Variants in GRAMD4 observed in about 807,000 individuals in gnomAD.
GRAMD4 encodes the protein GRAM domain-containing protein 4.
GRAMD4 carries 25 observed loss-of-function variants against 83.9 expected under a neutral mutation model. That is an observed-to-expected ratio of 0.30 (90% CI 0.22 to 0.42). The LOEUF (loss-of-function observed/expected upper bound fraction) is 0.42, where lower values mean the gene tolerates loss of function less well. Ranked by LOEUF, GRAMD4 falls within the 10% of genes least tolerant of loss-of-function variation. The pLI, the probability that GRAMD4 is intolerant of heterozygous loss-of-function variation, is 1.00. For synonymous variants in GRAMD4, 336 were observed against 320.9 expected (o/e 1.05, Z -0.50); for missense variants, 593 against 788.7 (o/e 0.75, Z 2.97).
rs1028807057 is a variant in GRAMD4, at chr22:46,577,488, G to T, written c.-50+198G>T. ...CCCCGCACACGCCCCCGGGTCCCGC[G>T]CGTCACGGCTGCTCCCCGCGGGCAC... On this transcript the variant is annotated intron_variant, in intron 1 of 1. Transcript: ENST00000431155. Among the ~76,000 whole-genome samples the T allele has an allele frequency of 1.7e-4, 26 of 150,552 alleles. 1 individual carries two copies. The highest frequency in any genetic ancestry group is 6.3e-4 in the African/African-American group (26 of 41,242).
intron 3 of GRAMD4, among the ~76,000 whole-genome samples, chr22:46,653,276 C>T (rs922897289): frequency 2.0e-5 from 3 of 152,174 alleles, no homozygotes; most frequent in Admixed American, 1.3e-4. Flanking sequence ...CTCTGAGCAG[C>T]GAGCATGGCG....
chr22:46,637,781 T>A (rs1168125950), intron 2 of GRAMD4, 59 bp from the exon 3 acceptor site: 1 of 1,591,832 alleles, frequency 6.3e-7, no homozygotes, highest in African/African-American at 1.4e-5. Flanking sequence ...GGGAACTGAG[T>A]GGTGCAGACC....
At chr22:46,673,567 A>G (rs2082546488) in intron 14 of GRAMD4, 103 bp from the exon 15 acceptor site, 8 of 1,436,480 alleles carry the variant, frequency 5.6e-6, no homozygotes, top group Non-Finnish European at 7.6e-6. Context: ...CGTCTTCCCA[A>G]ATTTGGATCC....
intron 1 of GRAMD4, among the ~76,000 whole-genome samples, chr22:46,605,159 C>G (rs963590695): frequency 7.4e-6 from 1 of 135,214 alleles, no homozygotes; most frequent in Non-Finnish European, 1.6e-5. Flanking sequence ...TCACCCAGGT[C>G]TTGGTGCCAT....
intron 3 of GRAMD4, among the ~76,000 whole-genome samples, chr22:46,656,177 C>T (rs1433140124): frequency 1.3e-5 from 2 of 152,166 alleles, no homozygotes; most frequent in East Asian, 1.9e-4. Context: ...CCCAGCGGGC[C>T]GGGGAGCAGG....
chr22:46,680,759 C>T (rs1194636481), downstream of GRAMD4, among the ~76,000 whole-genome samples: 2 of 139,886 alleles, frequency 1.4e-5, no homozygotes, highest in Non-Finnish European at 3.1e-5. Context: ...TCCATCCACC[C>T]ACCCATCCAT....
At position 46,663,853 on chromosome 22, in the gene GRAMD4, G is replaced by A; in HGVS notation, c.615G>A (p.Met205Ile). Residue 205 changes from methionine to isoleucine, a missense_variant, in exon 7 of 19, where the codon ATG becomes ATA. Physicochemically the swap from Met to Ile is conservative, Grantham distance 10. Around this residue, in one of 4 missense-constraint regions of GRAMD4, gnomAD observed 312 missense variants for 350.7 expected, o/e 0.89. Transcript: ENST00000406902. ...TCTCTCTTAGGTTAACTGAAAATATGAGACGGCTCAGTGAGTACCAGCGGC... is the reference window on the plus strand; with the variant it reads ...TCTCTCTTAGGTTAACTGAAAATATAAGACGGCTCAGTGAGTACCAGCGGC... ...PLSARRLTEN[M>I]RRLKRGAKPV... 4 of 1,613,416 alleles carry A rather than the reference G, an allele frequency of 2.5e-6. No individual in the cohort carries two copies. Among genetic ancestry groups the A allele is most frequent in the Non-Finnish European group, 3.4e-6 (4 of 1,179,946 alleles).
At chr22:46,616,409 TGC>T (rs2081495156), upstream of GRAMD4, among the ~76,000 whole-genome samples, 1 of 106,780 alleles carries the variant, frequency 9.4e-6, no homozygotes, top group African/African-American at 3.8e-5. Flanking sequence ...GGTTCCCCTG[TGC>T]GTGTAGGTTC....
intron 11 of GRAMD4, 21 bp from the exon 12 acceptor site, chr22:46,668,668 T>A (rs746371136): frequency 6.2e-7 from 1 of 1,610,818 alleles, no homozygotes; most frequent in South Asian, 1.1e-5. Flanking sequence ...CTGTTGTAAT[T>A]GCTGTTTCTC....
chr22:46,640,000 T>C (rs146926835), intron 3 of GRAMD4, among the ~76,000 whole-genome samples: 1 of 152,192 alleles, frequency 6.6e-6, no homozygotes, highest in Non-Finnish European at 1.5e-5. Context: ...GATGGATCTC[T>C]GAGAATGGAG....
chr22:46,659,895 A>G lies in GRAMD4; in HGVS notation c.405-1486A>G, dbSNP rs1400235443. On this transcript the variant is annotated intron_variant, in intron 4 of 18. Transcript: ENST00000406902. The surrounding 1 kb of genome is among the most constrained non-coding windows in gnomAD (Gnocchi z 4.1). ...GAAGCTCAAAGCTTAAATTACATTT[A>G]ATTATGTAGAGTTGCAACAGAGACC... 6.6e-6 allele frequency among the ~76,000 whole-genome samples: 1 copy of G among 152,222 alleles called. No homozygotes were observed. The highest frequency in any genetic ancestry group is 1.5e-5 in the Non-Finnish European group (1 of 68,036).
At chr22:46,594,588 G>C (rs1408936369) in intron 1 of GRAMD4, among the ~76,000 whole-genome samples, 1 of 151,720 alleles carries the variant, frequency 6.6e-6, no homozygotes, top group East Asian at 1.9e-4. Flanking sequence ...GGTTGGGTGG[G>C]GGGGGTTAGG....
At chr22:46,629,666 A>G (rs893715999) in intron 2 of GRAMD4, among the ~76,000 whole-genome samples, 9 of 152,214 alleles carry the variant, frequency 5.9e-5, no homozygotes, top group African/African-American at 2.2e-4. Context: ...CCCACCGGGT[A>G]TACAGTATAC....
At chr22:46,631,519 C>T (rs958621996) in intron 2 of GRAMD4, among the ~76,000 whole-genome samples, 1 of 3,878 alleles carries the variant, frequency 2.6e-4, no homozygotes, top group Non-Finnish European at 5.2e-4. Context: ...TAGAACCTCA[C>T]GGCCTGTGTC....
intron 1 of GRAMD4, among the ~76,000 whole-genome samples, chr22:46,606,636 A>C (rs61711562): frequency 0.41 from 35,667 of 86,220 alleles, 806 homozygotes; most frequent in East Asian, 0.51. Flanking sequence ...GGCTTATGGC[A>C]GGTGCTGAGC....
At chr22:46,627,645 A>G (rs1301734607) in intron 2 of GRAMD4, among the ~76,000 whole-genome samples, 2 of 152,162 alleles carry the variant, frequency 1.3e-5, no homozygotes, top group Non-Finnish European at 2.9e-5. Context: ...TCCTCCCCGC[A>G]TGCACACACC....
chr22:46,639,075 G>A (rs2081934022), intron 3 of GRAMD4, among the ~76,000 whole-genome samples: 1 of 152,238 alleles, frequency 6.6e-6, no homozygotes, highest in South Asian at 2.1e-4. Context: ...TACAGCACTG[G>A]ACTGTGTGTG....
intron 1 of GRAMD4, among the ~76,000 whole-genome samples, chr22:46,611,549 T>C (rs2081417098): frequency 6.6e-6 from 1 of 152,066 alleles, no homozygotes; most frequent in Admixed American, 6.6e-5. Context: ...GTGATTGGGG[T>C]AGGGGAGATG....
At chr22:46,591,170 G>A (rs2081203681) in intron 1 of GRAMD4, among the ~76,000 whole-genome samples, 1 of 152,230 alleles carries the variant, frequency 6.6e-6, no homozygotes, top group South Asian at 2.1e-4. Flanking sequence ...GGGGTCCAGT[G>A]TGTGATAGTG....
Sources: gnomAD v4.1 joint callset for allele counts (sites outside exome capture counted in the v4.1 genomes callset) on GRCh38, gnomAD v4.1.1 for gene constraint, gnomAD v4.1.1 regional missense constraint, Gnocchi (gnomAD v3.1) non-coding constraint, MANE v1.5 for transcripts, NCBI Gene and HGNC (gene_info 2026-07-23, HGNC 2026-07-21) for gene names.